NFKBIL1: variants seen among roughly 807,000 people sequenced by gnomAD.
The protein encoded by NFKBIL1 is NF-kappa-B inhibitor-like protein 1.
Under a neutral mutation model 45.4 loss-of-function variants are expected in NFKBIL1, and 30 were observed. The ratio of observed to expected loss-of-function variants is 0.66; its 90% CI spans 0.49 to 0.90. The LOEUF (loss-of-function observed/expected upper bound fraction) is 0.90, where lower values mean the gene tolerates loss of function less well. NFKBIL1 is among the 40% of genes least tolerant of loss of function. NFKBIL1 has a pLI of 0.00. For synonymous variants in NFKBIL1, 179 were observed against 197.3 expected, an observed-to-expected ratio of 0.91 and a Z score of 0.78; for missense variants, 434 against 513.4, an observed-to-expected ratio of 0.85 and a Z score of 1.49.
Position 31,547,619 on chromosome 6 carries a change from C to G in NFKBIL1, c.-76C>G. ...TGGAGTGTCTCCGCCCTTCCCGCCT[C>G]CCGTCTCCGAGCTTCTTAAACACAG... On this transcript the variant is annotated 5_prime_UTR_variant, in exon 1 of 4. Coordinates refer to ENST00000376148, the MANE Select transcript of NFKBIL1 (RefSeq NM_005007.4). The G allele has an allele frequency of 7.6e-6, 8 of 1,051,618 alleles. No individual in the cohort carries two copies. The highest frequency in any genetic ancestry group is 1.1e-5 in the Non-Finnish European group (8 of 714,192). 65.1% of individuals were successfully genotyped at this position (1,051,618 alleles called of 1,614,324 possible).
upstream of NFKBIL1, chr6:31,546,991 C>T (rs1454345547): frequency 5.6e-6 from 1 of 178,950 alleles, no homozygotes; most frequent in African/African-American, 2.4e-5. The surrounding 1 kb of genome is among the most constrained non-coding windows in gnomAD (Gnocchi z 4.1). Context: ...TGTCATCATG[C>T]AACCTGTGTT....
chr6:31,556,622 C>T (rs1246643976), intron 2 of NFKBIL1: 3 of 449,266 alleles, frequency 6.7e-6, no homozygotes, highest in East Asian at 1.4e-4. Context: ...TCAGGAACGT[C>T]GGTTCCTCTC....
chr6:31,552,743 C>T (rs1391066723), intron 2 of NFKBIL1, among the ~76,000 whole-genome samples: 2 of 121,580 alleles, frequency 1.6e-5, no homozygotes, highest in Admixed American at 1.1e-4. Context: ...CTCATTCTGT[C>T]GCCCAAGCTG....
rs779301563 is a variant in NFKBIL1 at position 31,557,967 on chromosome 6, C to T, written c.557-55C>T. The T allele has an allele frequency of 1.1e-4, 158 of 1,495,172 alleles. 1 individual carries two copies. The highest frequency in any genetic ancestry group is 5.8e-4 in the Middle Eastern group (3 of 5,198). The allele number at this position is 1,495,172 out of a possible 1,614,324, so 92.6% of individuals were successfully genotyped here. ...TCTGTGCTTCCCTGCTTCTTGGGGC[C>T]CATCACCTTCTCACAGCCTCTCTCC... is the stretch of plus-strand genomic sequence containing the variant. On this transcript the variant is annotated intron_variant, in intron 3 of 3. Coordinates refer to ENST00000376148, the MANE Select transcript of NFKBIL1 (RefSeq NM_005007.4). The surrounding 1 kb of genome is among the most constrained non-coding windows in gnomAD (Gnocchi z 5.4).
At chr6:31,547,970 AC>A (rs981253429) in intron 1 of NFKBIL1, among the ~76,000 whole-genome samples, 192 bp from the exon 2 acceptor site, 1 of 151,882 alleles carries the variant, frequency 6.6e-6, no homozygotes, top group African/African-American at 2.4e-5. Context: ...TGATCCTATC[AC>A]CCCCCTCAAA....
rs1021636264 is a variant in NFKBIL1 at position 31,558,713 on chromosome 6, C to G, written c.*102C>G. 1.9e-6 allele frequency: 2 copies of G among 1,069,094 alleles called. No homozygotes were observed. Among genetic ancestry groups the G allele is most frequent in the African/African-American group, 3.2e-5 (2 of 62,566 alleles). The allele number at this position is 1,069,094 out of a possible 1,614,324, so 66.2% of individuals were successfully genotyped here. ...GACCACAAGGAAGAGCCAGGTGCTGCTCAGCAGAGGATATGGGTGGGAGCG... is the reference window on the plus strand; with the variant it reads ...GACCACAAGGAAGAGCCAGGTGCTGGTCAGCAGAGGATATGGGTGGGAGCG... On this transcript the variant is annotated 3_prime_UTR_variant, in exon 4 of 4. Transcript: ENST00000376148. The surrounding 1 kb of genome is among the most constrained non-coding windows in gnomAD (Gnocchi z 7.2).
In NFKBIL1 at chr6:31,558,719, A is replaced by T; in HGVS notation, c.*108A>T. The T allele has an allele frequency of 3.2e-6, 3 of 939,876 alleles. No homozygotes were observed. Among genetic ancestry groups the T allele is most frequent in the Non-Finnish European group, 4.6e-6 (3 of 646,290 alleles). 58.2% of individuals were successfully genotyped at this position (939,876 alleles called of 1,614,324 possible). A position where few individuals can be genotyped will look rare whatever the true frequency, so the allele number is the denominator to read the frequency against. ...AAGGAAGAGCCAGGTGCTGCTCAGC[A>T]GAGGATATGGGTGGGAGCGAAAGTT... On this transcript the variant is annotated 3_prime_UTR_variant, in exon 4 of 4. Transcript: ENST00000376148. This position sits in a 1 kb window ranked among gnomAD's most constrained non-coding sequence, Gnocchi z 7.2.
rs199834300 is a variant in NFKBIL1 at position 31,558,617 on chromosome 6, G to C, written c.*6G>C. ...ATGCAGAGGCCCTCAAGTGACCCTA[G>C]GGAAGAAGCAAGAAACTTCGGGGCT... On this transcript the variant is annotated 3_prime_UTR_variant, in exon 4 of 4. Transcript: ENST00000376148. The surrounding 1 kb of genome is among the most constrained non-coding windows in gnomAD (Gnocchi z 7.2). 2.6e-6 allele frequency: 4 copies of C among 1,536,606 alleles called. No individual in the cohort carries two copies. In the South Asian group the frequency reaches 3.6e-5, roughly 14 times the overall value.
Position 31,548,186 on chromosome 6 carries a change from T to A in NFKBIL1, c.81T>A (p.Thr27=), listed in dbSNP as rs539358080. The change falls in exon 2 of 4, where the codon ACT becomes ACA. Residue 27 remains threonine, a synonymous_variant. Transcript: ENST00000376148. ...AGCCCAAGAGTTCCATGGCCTCCAC[T>A]TCCCGCCGCCAACGCCGAGAACGTC... The part of the protein sequence containing the change: ...VCRPKSSMAS[T]SRRQRRERRF... The A allele has an allele frequency of 1.2e-6, 2 of 1,613,128 alleles. No individual in the cohort carries two copies. Among genetic ancestry groups the A allele is most frequent in the South Asian group, 1.1e-5 (1 of 91,088 alleles).
At chr6:31,553,819 C>T (rs34268928) in intron 2 of NFKBIL1, among the ~76,000 whole-genome samples, 4,111 of 152,216 alleles carry the variant, frequency 0.027, 73 homozygotes, top group Middle Eastern at 0.044. Flanking sequence ...TCCGCCACCA[C>T]GTCAGGCTAA....
chr6:31,550,296 T>C (rs1769357494), intron 2 of NFKBIL1, among the ~76,000 whole-genome samples: 2 of 152,004 alleles, frequency 1.3e-5, no homozygotes, highest in African/African-American at 4.8e-5. Context: ...TCTAGAGATT[T>C]CCTTCTGGAG....
intron 1 of NFKBIL1, 43 bp from the exon 2 acceptor site, chr6:31,548,120 G>A: frequency 6.2e-7 from 1 of 1,612,474 alleles, no homozygotes; most frequent in Non-Finnish European, 8.5e-7. Context: ...AGAAGGACCA[G>A]CCAAGGCTGA....
rs200861685 is a variant in NFKBIL1, at chr6:31,557,858, T to C, written c.556+9T>C. 32 of 1,569,040 alleles carry C rather than the reference T, an allele frequency of 2.0e-5. No homozygotes were observed. Among genetic ancestry groups the C allele is most frequent in the Non-Finnish European group, 2.7e-5 (31 of 1,152,762 alleles). ...CATGGGGAGGTTTGAAGGTGAGAAG[T>C]CCACTGCTATCCACAGCTGCCCTTC... On this transcript the variant is annotated intron_variant, in intron 3 of 3. Transcript: ENST00000376148. This position sits in a 1 kb window ranked among gnomAD's most constrained non-coding sequence, Gnocchi z 5.4.
chr6:31,548,139 C>A, intron 1 of NFKBIL1, 24 bp from the exon 2 acceptor site: 1 of 1,613,120 alleles, frequency 6.2e-7, no homozygotes, highest in Non-Finnish European at 8.5e-7. Context: ...GAAGTCCTGA[C>A]TGCTGCCTTT....
chr6:31,548,320 C>T lies in NFKBIL1; in HGVS notation c.215C>T (p.Ala72Val), dbSNP rs2150359799. The T allele has an allele frequency of 6.2e-7, 1 of 1,602,134 alleles. No individual in the cohort carries two copies. The highest frequency in any genetic ancestry group is 8.5e-7 in the Non-Finnish European group (1 of 1,174,580). The change falls in exon 2 of 4, where the codon GCC becomes GTC. Residue 72 changes from alanine (A) to valine (V), a missense_variant. Coordinates refer to ENST00000376148, the MANE Select transcript of NFKBIL1 (RefSeq NM_005007.4). ...GGGCAGCCCCCACCACTGCACCGGG[C>T]CTGTGCCCGCCACGATGCCCCTGCC... ...DAGQPPPLHR[A>V]CARHDAPALC...
In NFKBIL1 at chr6:31,556,125, G is replaced by A. The variant is rs532931613; in HGVS notation, c.335-1503G>A. Among the ~76,000 whole-genome samples, 10 of 152,090 alleles carry A rather than the reference G, an allele frequency of 6.6e-5. 1 individual carries two copies. Among genetic ancestry groups the A allele is most frequent in the Admixed American group, 6.6e-4 (10 of 15,258 alleles). Reference sequence around the variant, plus strand: ...AGCACTCACCATGCTCACCACCTGAGCTCAGGTGGGGAACAAGCGAATGAG... The same window carrying A: ...AGCACTCACCATGCTCACCACCTGAACTCAGGTGGGGAACAAGCGAATGAG... On this transcript the variant is annotated intron_variant, in intron 2 of 3. Coordinates refer to ENST00000376148, the MANE Select transcript of NFKBIL1 (RefSeq NM_005007.4).
rs200263345 is a variant in NFKBIL1 at position 31,558,511 on chromosome 6, G to A, written c.1046G>A (p.Arg349Gln). 16 of 1,558,172 alleles carry A rather than the reference G, an allele frequency of 1.0e-5. No individual in the cohort carries two copies. The highest frequency in any genetic ancestry group is 1.4e-5 in the Non-Finnish European group (16 of 1,150,898). ...VRWHPDRFLQ[R>Q]FRSQIETWEL... ...TGGCACCCTGACCGCTTCCTGCAGCGATTCCGAAGCCAGATTGAGACCTGG... is the reference window on the plus strand; with the variant it reads ...TGGCACCCTGACCGCTTCCTGCAGCAATTCCGAAGCCAGATTGAGACCTGG... The change falls in exon 4 of 4, where the codon CGA becomes CAA. Residue 349 changes from arginine to glutamine, a missense_variant. By Grantham distance (43) the Arg-to-Gln change is conservative (BLOSUM62 1). Transcript: ENST00000376148. This position sits in a 1 kb window ranked among gnomAD's most constrained non-coding sequence, Gnocchi z 7.2.
chr6:31,558,387 G>C lies in NFKBIL1; in HGVS notation c.922G>C (p.Gly308Arg), dbSNP rs200883169. ...TGTGCCCTGGCCCTGCCCTGGGGGAGGGGACCCAGAGGCCATGGCTGCAGC... is the reference window on the plus strand; with the variant it reads ...TGTGCCCTGGCCCTGCCCTGGGGGACGGGACCCAGAGGCCATGGCTGCAGC... ...GDVPWPCPGG[G>R]DPEAMAAALV... Residue 308 changes from glycine (G) to arginine (R), a missense_variant, in exon 4 of 4, where the codon GGG becomes CGG. This residue lies in a region of NFKBIL1 where 128 missense variants were observed against 106.5 expected (regional missense o/e 1.20). Coordinates refer to ENST00000376148, the MANE Select transcript of NFKBIL1 (RefSeq NM_005007.4). The surrounding 1 kb of genome is among the most constrained non-coding windows in gnomAD (Gnocchi z 7.2). 4.3e-5 allele frequency: 67 copies of C among 1,549,952 alleles called. No homozygotes were observed. Among genetic ancestry groups the C allele is most frequent in the Non-Finnish European group, 5.7e-5 (65 of 1,146,026 alleles).
In NFKBIL1 at chr6:31,548,230, C is replaced by A. The variant is rs187829198; in HGVS notation, c.125C>A (p.Ser42Tyr). The A allele has an allele frequency of 1.2e-6, 2 of 1,613,160 alleles. No individual in the cohort carries two copies. Among genetic ancestry groups the A allele is most frequent in the Non-Finnish European group, 1.7e-6 (2 of 1,180,048 alleles). ...GAACGTCGCTTTCGTCGTTACTTGT[C>A]TGCAGGACGGCTGGTCCGGGCCCAG... ...RRERRFRRYLSAGRLVRAQAL... is the reference protein window; with the variant it reads ...RRERRFRRYLYAGRLVRAQAL... The change falls in exon 2 of 4, where the codon TCT (serine) becomes TAT (tyrosine). Residue 42 changes from serine (S) to tyrosine (Y), a missense_variant. Physicochemically the swap from Ser to Tyr is moderately radical, Grantham distance 144 (BLOSUM62 -2). Coordinates refer to ENST00000376148, the MANE Select transcript of NFKBIL1 (RefSeq NM_005007.4).
Sources: allele counts gnomAD v4.1 joint callset (sites outside exome capture counted in the v4.1 genomes callset), GRCh38; gene constraint gnomAD v4.1.1; regional missense constraint gnomAD v4.1.1; non-coding constraint Gnocchi (gnomAD v3.1); transcripts MANE v1.5; gene names NCBI Gene and HGNC (gene_info 2026-07-23, HGNC 2026-07-21).